Variants in ANTXR1 observed in about 807,000 individuals in gnomAD.
ANTXR1 encodes the protein ANTXR cell adhesion molecule 1.
In ANTXR1, 19 loss-of-function variants were observed where a neutral mutation model predicts 78.1. That is an observed-to-expected ratio of 0.24 (90% confidence interval 0.17 to 0.36). The LOEUF (loss-of-function observed/expected upper bound fraction) is 0.36. Ranked by LOEUF, ANTXR1 falls within the 10% of genes least tolerant of loss-of-function variation. The pLI, the probability that ANTXR1 is intolerant of heterozygous loss-of-function variation, is 1.00. For synonymous variants in ANTXR1, 273 were observed against 260.5 expected (o/e 1.05, Z -0.46); for missense variants, 518 against 718.6 (o/e 0.72, Z 3.19).
At chr2:69,088,189 C>G (rs1376773239) in intron 8 of ANTXR1, among the ~76,000 whole-genome samples, 1 of 152,090 alleles carries the variant, frequency 6.6e-6, no homozygotes, top group Non-Finnish European at 1.5e-5. Flanking sequence ...GTTAGTGTGC[C>G]TTTGTGGTTA....
chr2:69,016,528 A>T (rs1213697088), intron 1 of ANTXR1, among the ~76,000 whole-genome samples: 2 of 152,194 alleles, frequency 1.3e-5, no homozygotes, highest in Admixed American at 1.3e-4. Flanking sequence ...ATAGTATTGA[A>T]CCTGCATTGC....
chr2:69,180,497 T>C lies in ANTXR1; in HGVS notation c.1090-1289T>C, dbSNP rs182059600. ...GCAGTTGCTACATCTCCTCCCTTTT[T>C]CCATCCACAGTTACAAGTTCCTCAT... is the stretch of plus-strand genomic sequence containing the variant. On this transcript the variant is annotated intron_variant, in intron 14 of 17. Coordinates refer to ENST00000303714, the MANE Select transcript of ANTXR1 (RefSeq NM_032208.3). 3.8e-4 allele frequency among the ~76,000 whole-genome samples: 58 copies of C among 151,246 alleles called. No homozygotes were observed. In the East Asian group the frequency reaches 0.011, roughly 28 times the overall value.
chr2:69,070,931 A>G (rs1670544927), intron 4 of ANTXR1, among the ~76,000 whole-genome samples: 1 of 152,088 alleles, frequency 6.6e-6, no homozygotes, highest in South Asian at 2.1e-4. Context: ...TTCTTCCCTG[A>G]CCCTGATGAA....
intron 3 of ANTXR1, among the ~76,000 whole-genome samples, chr2:69,054,614 C>T (rs1310388929): frequency 6.6e-6 from 1 of 152,174 alleles, no homozygotes; most frequent in Non-Finnish European, 1.5e-5. Flanking sequence ...ACATGTCTCT[C>T]TCCTTCTCAG....
intron 17 of ANTXR1, among the ~76,000 whole-genome samples, chr2:69,215,666 C>G (rs1012499395): frequency 3.3e-5 from 5 of 152,160 alleles, no homozygotes; most frequent in African/African-American, 1.2e-4. Flanking sequence ...ATTATTTGTA[C>G]TCAATATTTG....
chr2:69,050,003 C>A (rs1669881369), intron 3 of ANTXR1, among the ~76,000 whole-genome samples: 1 of 152,060 alleles, frequency 6.6e-6, no homozygotes, highest in South Asian at 2.1e-4. Context: ...ATCAAAAGCT[C>A]TCCTAATGGG....
intron 17 of ANTXR1, among the ~76,000 whole-genome samples, chr2:69,233,028 T>G (rs760325335): frequency 6.6e-6 from 1 of 152,136 alleles, no homozygotes; most frequent in East Asian, 1.9e-4. Flanking sequence ...CTTGATGAAT[T>G]ATTTTCTAAG....
chr2:69,195,411 G>A (rs957848578), intron 17 of ANTXR1, among the ~76,000 whole-genome samples: 2 of 152,148 alleles, frequency 1.3e-5, no homozygotes, highest in African/African-American at 2.4e-5. Context: ...GTGACAGTGG[G>A]TGGTTTGTAG....
intron 13 of ANTXR1, among the ~76,000 whole-genome samples, chr2:69,153,778 A>G (rs2104432196): frequency 6.6e-6 from 1 of 152,236 alleles, no homozygotes; most frequent in East Asian, 1.9e-4. Flanking sequence ...GAACACTATT[A>G]TAGTTCCTTT....
At chr2:69,035,055 G>A (rs1376737530) in intron 1 of ANTXR1, among the ~76,000 whole-genome samples, 1 of 152,086 alleles carries the variant, frequency 6.6e-6, no homozygotes, top group Non-Finnish European at 1.5e-5. Context: ...CACACCAGAA[G>A]ATCAGTTACA....
chr2:69,142,926 T>C (rs545081250), intron 12 of ANTXR1, among the ~76,000 whole-genome samples: 11 of 152,278 alleles, frequency 7.2e-5, no homozygotes, highest in Middle Eastern at 3.4e-3. Flanking sequence ...AGGGATTTCA[T>C]GGACCCCCTG....
Position 69,044,746 on chromosome 2 carries a change from C to G in ANTXR1, c.229C>G (p.Gln77Glu). The G allele has an allele frequency of 6.2e-7, 1 of 1,613,842 alleles. No homozygotes were observed. The highest frequency in any genetic ancestry group is 8.5e-7 in the Non-Finnish European group (1 of 1,179,774). ...EQLAHKFISPQLRMSFIVFST... is the reference protein window; with the variant it reads ...EQLAHKFISPELRMSFIVFST... ...AGAGCTTCTTTTCCTTTCCAGCCCA[C>G]AGTTGAGAATGTCCTTTATTGTTTT... The change falls in exon 3 of 18, where the codon CAG becomes GAG. Residue 77 changes from glutamine to glutamate, a missense_variant. Gln to Glu is a conservative substitution (Grantham distance 29, BLOSUM62 2). Around this residue, in one of 5 missense-constraint regions of ANTXR1, gnomAD observed 264 missense variants for 391.8 expected, o/e 0.67. Coordinates refer to ENST00000303714, the MANE Select transcript of ANTXR1 (RefSeq NM_032208.3).
chr2:69,118,408 G>A (rs912453966), intron 10 of ANTXR1, among the ~76,000 whole-genome samples: 1 of 152,140 alleles, frequency 6.6e-6, no homozygotes, highest in East Asian at 1.9e-4. Flanking sequence ...GGCAGCCTGG[G>A]CAGCAGAGGG....
intron 16 of ANTXR1, among the ~76,000 whole-genome samples, chr2:69,192,423 GTCTCA>G (rs1301596742): frequency 6.6e-6 from 1 of 152,032 alleles, no homozygotes; most frequent in Admixed American, 6.5e-5. Context: ...GGTTGAGTCC[GTCTCA>G]CACCTAATCA....
At position 69,195,741 on chromosome 2, in the gene ANTXR1, TG is replaced by T. The variant is rs534776863; in HGVS notation, c.1434+2327del. 1.6e-3 allele frequency among the ~76,000 whole-genome samples: 248 copies of T among 152,314 alleles called. 1 individual carries two copies. The highest frequency in any genetic ancestry group is 5.6e-3 in the African/African-American group (231 of 41,560). On this transcript the variant is annotated intron_variant, in intron 17 of 17. Transcript: ENST00000303714. ...GGGAAATGAAGAAATTTTTTTAGCA[TG>T]CATGAGACTCCTCTGACAGATTGAG...
intron 10 of ANTXR1, among the ~76,000 whole-genome samples, chr2:69,112,100 C>T (rs573864653): frequency 3.3e-5 from 5 of 152,242 alleles, no homozygotes; most frequent in Non-Finnish European, 5.9e-5. Context: ...CGTAAAGGAG[C>T]GTACAGTCTC....
chr2:69,136,405 T>C (rs567551522), intron 12 of ANTXR1, among the ~76,000 whole-genome samples: 1 of 152,168 alleles, frequency 6.6e-6, no homozygotes, highest in African/African-American at 2.4e-5. Flanking sequence ...ACTCAACAAA[T>C]TTATAAAAAT....
intron 5 of ANTXR1, 149 bp downstream of exon 5, chr2:69,071,936 T>C (rs1670579890): frequency 1.3e-6 from 1 of 793,238 alleles, no homozygotes; most frequent in Non-Finnish European, 2.1e-6. Flanking sequence ...AAACAAGGAA[T>C]GCATAGAAAG....
intron 14 of ANTXR1, chr2:69,172,453 A>G: frequency 1.3e-6 from 2 of 1,574,054 alleles, no homozygotes; most frequent in African/African-American, 2.7e-5. Context: ...CGTATTTTAT[A>G]CAATGCTCTG....
Sources: gnomAD v4.1 joint callset for allele counts (sites outside exome capture counted in the v4.1 genomes callset) on GRCh38, gnomAD v4.1.1 for gene constraint, gnomAD v4.1.1 regional missense constraint, MANE v1.5 for transcripts, NCBI Gene and HGNC (gene_info 2026-07-23, HGNC 2026-07-21) for gene names.